Variants in RBFOX1 observed in about 807,000 individuals in gnomAD.
RBFOX1 encodes RNA binding fox-1 homolog 1.
Under a neutral mutation model 57.7 loss-of-function variants are expected in RBFOX1, and 8 were observed. The observed-to-expected ratio is 0.14, with a 90% CI of 0.08 to 0.25. The LOEUF (loss-of-function observed/expected upper bound fraction) is 0.25, where lower values mean the gene tolerates loss of function less well. Among genes scored for constraint, RBFOX1 ranks in the 10% least tolerant of loss-of-function variants. The probability of loss-of-function intolerance (pLI) is 1.00; values close to 1 mark genes in which losing one functional copy is unlikely to be tolerated. For synonymous variants in RBFOX1, 326 were observed against 222.4 expected (o/e 1.47, Z -4.15); for missense variants, 611 against 548.5 (o/e 1.11, Z -1.14).
intron 1 of RBFOX1, among the ~76,000 whole-genome samples, chr16:6,190,959 G>T (rs986913307): frequency 4.6e-5 from 7 of 152,060 alleles, no homozygotes; most frequent in African/African-American, 9.7e-5. Context: ...CTTGAGGCCG[G>T]CAGTCTAAAT....
chr16:5,861,400 G>C (rs1270558389), intron 3 of RBFOX1, among the ~76,000 whole-genome samples: 1 of 152,192 alleles, frequency 6.6e-6, no homozygotes, highest in Non-Finnish European at 1.5e-5. Context: ...CCTCCTGTCA[G>C]ATTGGGACAA....
At chr16:6,528,137 C>A (rs1454476667) in intron 2 of RBFOX1, among the ~76,000 whole-genome samples, 1 of 152,128 alleles carries the variant, frequency 6.6e-6, no homozygotes, top group African/African-American at 2.4e-5. Context: ...CTTTCTTTTA[C>A]CTAAACCTTG....
At position 7,494,175 on chromosome 16, in the gene RBFOX1, G is replaced by A. The variant is rs114901525; in HGVS notation, c.28-23972G>A. Among the ~76,000 whole-genome samples, 478 of 152,232 alleles carry A rather than the reference G, an allele frequency of 3.1e-3. 2 individuals are homozygous for A. The highest frequency in any genetic ancestry group is 0.011 in the African/African-American group (447 of 41,534). ...CCCCACTTTCTGATTTTTTTGGACT[G>A]GGATGTTTGTCAATTGCAATTCTCG... On this transcript the variant is annotated intron_variant, in intron 4 of 15. Transcript: ENST00000550418.
At chr16:5,826,221 C>T (rs1043324328) in intron 3 of RBFOX1, among the ~76,000 whole-genome samples, 1 of 150,550 alleles carries the variant, frequency 6.6e-6, no homozygotes, top group African/African-American at 2.4e-5. Context: ...ATGAATATTA[C>T]TTACTCATTT....
intron 4 of RBFOX1, among the ~76,000 whole-genome samples, chr16:7,192,867 C>G (rs533791832): frequency 6.6e-6 from 1 of 152,300 alleles, no homozygotes; most frequent in South Asian, 2.1e-4. Flanking sequence ...GTCCGAGGAT[C>G]ATGTGCTTAC....
intron 2 of RBFOX1, among the ~76,000 whole-genome samples, chr16:6,371,516 A>G (rs558074880): frequency 6.6e-6 from 1 of 152,158 alleles, no homozygotes; most frequent in South Asian, 2.1e-4. Flanking sequence ...CTCCTGTATC[A>G]TTTTGACATA....
intron 4 of RBFOX1, among the ~76,000 whole-genome samples, chr16:7,341,732 C>CTCCT (rs1568305653): frequency 1.5e-5 from 2 of 132,750 alleles, no homozygotes; most frequent in African/African-American, 5.6e-5. Context: ...CCCTCCCTCC[C>CTCCT]TCCTTCCCTC....
At chr16:6,181,628 G>T (rs1273663037) in intron 1 of RBFOX1, among the ~76,000 whole-genome samples, 1 of 152,046 alleles carries the variant, frequency 6.6e-6, no homozygotes, top group African/African-American at 2.4e-5. Flanking sequence ...TTCCTGTGGT[G>T]GGGGGGAGGA....
chr16:5,356,015 C>T (rs759794937), intron 1 of RBFOX1, among the ~76,000 whole-genome samples: 17 of 152,252 alleles, frequency 1.1e-4, no homozygotes, highest in Non-Finnish European at 2.1e-4. Context: ...TGCTTTAACC[C>T]GGGAGGCGGA....
intron 1 of RBFOX1, among the ~76,000 whole-genome samples, chr16:6,174,241 C>A (rs1258567999): frequency 6.6e-6 from 1 of 152,094 alleles, no homozygotes; most frequent in Non-Finnish European, 1.5e-5. Flanking sequence ...AGATCAATAC[C>A]TCATTGTCCT....
intron 1 of RBFOX1, among the ~76,000 whole-genome samples, chr16:5,340,925 T>G (rs533829864): frequency 6.6e-6 from 1 of 152,194 alleles, no homozygotes; most frequent in African/African-American, 2.4e-5. Flanking sequence ...AGGGACTGTG[T>G]GGCTACTGTA....
chr16:6,566,937 G>A (rs969788974), intron 2 of RBFOX1, among the ~76,000 whole-genome samples: 1 of 152,178 alleles, frequency 6.6e-6, no homozygotes, highest in Non-Finnish European at 1.5e-5. Context: ...AAATTGACAT[G>A]TTGGAGATGA....
chr16:6,144,817 GA>G (rs2096745243), intron 1 of RBFOX1, among the ~76,000 whole-genome samples: 1 of 152,116 alleles, frequency 6.6e-6, no homozygotes, highest in Non-Finnish European at 1.5e-5. Flanking sequence ...CTTGACATTT[GA>G]CTTCACATAT....
chr16:6,193,838 C>T, intron 1 of RBFOX1, among the ~76,000 whole-genome samples: 1 of 152,196 alleles, frequency 6.6e-6, no homozygotes, highest in Non-Finnish European at 1.5e-5. Flanking sequence ...CCTTCATTCT[C>T]CTGGTAAACT....
intron 14 of RBFOX1, among the ~76,000 whole-genome samples, chr16:7,693,962 C>G (rs780571866): frequency 6.6e-6 from 1 of 152,116 alleles, no homozygotes; most frequent in African/African-American, 2.4e-5. Flanking sequence ...GTTTTGAAAC[C>G]AGGACATTGG....
chr16:6,757,931 G>C (rs2076055989), intron 3 of RBFOX1, among the ~76,000 whole-genome samples: 1 of 152,134 alleles, frequency 6.6e-6, no homozygotes, highest in African/African-American at 2.4e-5. Context: ...TTATGCATTA[G>C]TAAAAAAAGA....
At chr16:5,360,211 C>G (rs1429043478) in intron 1 of RBFOX1, among the ~76,000 whole-genome samples, 1 of 152,232 alleles carries the variant, frequency 6.6e-6, no homozygotes, top group African/African-American at 2.4e-5. Flanking sequence ...GGGCAGAGTT[C>G]TGCCTGGCTA....
At chr16:6,051,251 C>T (rs2095549153) in intron 1 of RBFOX1, among the ~76,000 whole-genome samples, 2 of 151,912 alleles carry the variant, frequency 1.3e-5, no homozygotes, top group East Asian at 3.9e-4. Context: ...CCAAAAACCA[C>T]CTCCTCCAGT....
chr16:7,616,736 T>C (rs1390742681), intron 10 of RBFOX1, among the ~76,000 whole-genome samples: 1 of 152,128 alleles, frequency 6.6e-6, no homozygotes, highest in East Asian at 1.9e-4. Context: ...TTCATCACGT[T>C]AGCCAGGCTG....
Sources: allele counts gnomAD v4.1 joint callset (sites outside exome capture counted in the v4.1 genomes callset), GRCh38; gene constraint gnomAD v4.1.1; transcripts MANE v1.5; gene names NCBI Gene and HGNC (gene_info 2026-07-23, HGNC 2026-07-21).